Variants in TTC27 observed in about 807,000 individuals in gnomAD.
TTC27 encodes the protein tetratricopeptide repeat protein 27.
TTC27 carries 79 observed loss-of-function variants against 115.9 expected under a neutral mutation model. The ratio of observed to expected loss-of-function variants is 0.68; its 90% CI spans 0.57 to 0.82. The LOEUF (loss-of-function observed/expected upper bound fraction) is 0.82, where lower values mean the gene tolerates loss of function less well. Among genes scored for constraint, TTC27 ranks in the 40% least tolerant of loss-of-function variants. The pLI, the probability that TTC27 is intolerant of heterozygous loss-of-function variation, is 0.00. For synonymous variants in TTC27, 401 were observed against 356.0 expected (o/e 1.13, Z -1.42); for missense variants, 1,054 against 993.1 (o/e 1.06, Z -0.82).
intron 9 of TTC27, among the ~76,000 whole-genome samples, chr2:32,683,958 C>A (rs75785030): frequency 6.6e-6 from 1 of 151,794 alleles, no homozygotes; most frequent in African/African-American, 2.4e-5. Flanking sequence ...GTTTGTGACC[C>A]GCCTGGCCAA....
intron 10 of TTC27, among the ~76,000 whole-genome samples, chr2:32,731,322 G>T (rs1406295830): frequency 6.6e-6 from 1 of 151,326 alleles, no homozygotes. Flanking sequence ...TTCCTGATCC[G>T]CCTGCCTCAG....
chr2:32,776,570 T>G (rs1670002657), intron 13 of TTC27, among the ~76,000 whole-genome samples: 1 of 152,206 alleles, frequency 6.6e-6, no homozygotes, highest in African/African-American at 2.4e-5. Flanking sequence ...CATTTCTGAC[T>G]AATTCCATTG....
chr2:32,650,685 A>G (rs1665085566), intron 5 of TTC27, among the ~76,000 whole-genome samples: 1 of 152,180 alleles, frequency 6.6e-6, no homozygotes, highest in South Asian at 2.1e-4. Flanking sequence ...CCTATTGAGT[A>G]CATCAAGAAA....
At chr2:32,666,992 A>G (rs1356819845) in intron 7 of TTC27, among the ~76,000 whole-genome samples, 3 of 151,016 alleles carry the variant, frequency 2.0e-5, no homozygotes, top group Non-Finnish European at 2.9e-5. Flanking sequence ...TAACCTGTAT[A>G]TAGAGATAAA....
intron 7 of TTC27, 74 bp downstream of exon 7, chr2:32,666,842 A>T: frequency 1.3e-6 from 2 of 1,514,830 alleles, no homozygotes; most frequent in Non-Finnish European, 1.8e-6. Context: ...GTACCATAGA[A>T]ACACTGAATG....
intron 16 of TTC27, among the ~76,000 whole-genome samples, chr2:32,790,835 C>T (rs1340635052): frequency 6.6e-6 from 1 of 151,618 alleles, no homozygotes; most frequent in Non-Finnish European, 1.5e-5. Flanking sequence ...GAATTTATTT[C>T]ATCAGTTCTA....
At chr2:32,639,085 G>GTTT (rs1559181579) in intron 3 of TTC27, among the ~76,000 whole-genome samples, 1 of 152,034 alleles carries the variant, frequency 6.6e-6, no homozygotes, top group Non-Finnish European at 1.5e-5. Flanking sequence ...GCCCGCCTTG[G>GTTT]CCTCCCAAAG....
intron 5 of TTC27, 97 bp downstream of exon 5, chr2:32,650,330 T>G: frequency 4.6e-6 from 3 of 651,142 alleles, no homozygotes; most frequent in Non-Finnish European, 7.4e-6. Flanking sequence ...CCGGTAGTAG[T>G]GCCTTTTCGT....
chr2:32,753,153 C>T (rs548781584), intron 12 of TTC27, among the ~76,000 whole-genome samples: 1 of 152,066 alleles, frequency 6.6e-6, no homozygotes, highest in African/African-American at 2.4e-5. Flanking sequence ...GATTTCTCCA[C>T]ATGAATTAGC....
intron 12 of TTC27, among the ~76,000 whole-genome samples, chr2:32,746,111 G>A (rs1419854986): frequency 1.3e-5 from 2 of 152,140 alleles, no homozygotes; most frequent in South Asian, 2.1e-4. Flanking sequence ...GTGGAGCGGG[G>A]GTAATGATCT....
chr2:32,787,264 T>C (rs1336240793), intron 16 of TTC27, 115 bp downstream of exon 16: 4 of 1,137,060 alleles, frequency 3.5e-6, no homozygotes, highest in Non-Finnish European at 4.9e-6. Context: ...ACATGTAACA[T>C]ATGAAAAGGG....
intron 16 of TTC27, among the ~76,000 whole-genome samples, chr2:32,789,778 C>A (rs1461168406): frequency 1.3e-5 from 2 of 151,458 alleles, no homozygotes; most frequent in African/African-American, 4.9e-5. Flanking sequence ...AAAAAAAATT[C>A]AGCTGGGCTT....
At chr2:32,696,370 A>T (rs1666990487) in intron 9 of TTC27, among the ~76,000 whole-genome samples, 1 of 150,068 alleles carries the variant, frequency 6.7e-6, no homozygotes, top group Non-Finnish European at 1.5e-5. Flanking sequence ...GCTCACTGCA[A>T]CCTCCACCTC....
At chr2:32,746,931 G>C (rs1668852851) in intron 12 of TTC27, among the ~76,000 whole-genome samples, 1 of 152,182 alleles carries the variant, frequency 6.6e-6, no homozygotes, top group Non-Finnish European at 1.5e-5. Context: ...AGAGGTATAA[G>C]ATCTCAGGGA....
intron 10 of TTC27, among the ~76,000 whole-genome samples, chr2:32,703,458 A>T (rs533748160): frequency 4.6e-5 from 7 of 152,224 alleles, no homozygotes; most frequent in Admixed American, 3.9e-4. Context: ...CAAGAGCAAG[A>T]CTCCATCTCA....
At chr2:32,652,582 T>G (rs1021799778) in intron 5 of TTC27, among the ~76,000 whole-genome samples, 1 of 152,166 alleles carries the variant, frequency 6.6e-6, no homozygotes, top group East Asian at 1.9e-4. Context: ...TGCTTTACCT[T>G]GCAACTAAGA....
chr2:32,670,256 T>C (rs937272954), intron 7 of TTC27, among the ~76,000 whole-genome samples: 2 of 152,168 alleles, frequency 1.3e-5, no homozygotes, highest in East Asian at 3.8e-4. Flanking sequence ...CCCAAGATTA[T>C]TGAGGAATAA....
chr2:32,650,345 AGTTG>A, intron 5 of TTC27, 112 bp downstream of exon 5: 1 of 288,286 alleles, frequency 3.5e-6, no homozygotes, highest in Non-Finnish European at 6.2e-6. Flanking sequence ...TTTCGTTTTG[AGTTG>A]TTTCTTTTTT....
chr2:32,702,189 C>G (rs550868703), intron 9 of TTC27, among the ~76,000 whole-genome samples: 1 of 151,968 alleles, frequency 6.6e-6, no homozygotes, highest in African/African-American at 2.4e-5. Context: ...CTTTTTGAAA[C>G]AAGAGAAGGA....
Sources: allele counts gnomAD v4.1 joint callset (sites outside exome capture counted in the v4.1 genomes callset), GRCh38; gene constraint gnomAD v4.1.1; transcripts MANE v1.5; gene names NCBI Gene and HGNC (gene_info 2026-07-23, HGNC 2026-07-21).